MDGA2: variants seen among roughly 807,000 people sequenced by gnomAD.
MDGA2 encodes the protein MAM domain-containing glycosylphosphatidylinositol anchor protein 2.
Under a neutral mutation model 117.8 loss-of-function variants are expected in MDGA2, and 40 were observed. The observed-to-expected ratio is 0.34, with a 90% CI of 0.26 to 0.44. The LOEUF (loss-of-function observed/expected upper bound fraction) is 0.44, where lower values mean the gene tolerates loss of function less well. Ranked by LOEUF, MDGA2 falls within the 20% of genes least tolerant of loss-of-function variation. The pLI is 1.00. For synonymous variants in MDGA2, 452 were observed against 439.0 expected (o/e 1.03, Z -0.37); for missense variants, 1,123 against 1,250.6 (o/e 0.90, Z 1.54).
At chr14:47,260,814 A>T (rs185212542) in intron 2 of MDGA2, among the ~76,000 whole-genome samples, 1 of 152,170 alleles carries the variant, frequency 6.6e-6, no homozygotes, top group East Asian at 1.9e-4. Context: ...ATACCTTTGT[A>T]ATATGTATCC....
chr14:47,648,652 C>T (rs980701400), intron 1 of MDGA2, among the ~76,000 whole-genome samples: 1 of 152,022 alleles, frequency 6.6e-6, no homozygotes, highest in Non-Finnish European at 1.5e-5. Flanking sequence ...CTATGGCAGA[C>T]AGGGGACCAG....
intron 8 of MDGA2, among the ~76,000 whole-genome samples, chr14:46,999,760 G>T (rs1315063212): frequency 6.6e-6 from 1 of 151,980 alleles, no homozygotes; most frequent in Non-Finnish European, 1.5e-5. Context: ...ATCTTTGTGG[G>T]TATCAAACTT....
chr14:47,575,629 C>T lies in MDGA2; in HGVS notation c.280+98888G>A, dbSNP rs146676796. On this transcript the variant is annotated intron_variant, in intron 1 of 16. Transcript: ENST00000399232. ...GAAAATAAAACTTTGGATGTTTTGC[C>T]ATCTACTATCCATGAAGGACAAGAA... Among the ~76,000 whole-genome samples, 1,172 of 152,244 alleles carry T rather than the reference C, an allele frequency of 7.7e-3. 19 individuals are homozygous for T. Among genetic ancestry groups the T allele is most frequent in the African/African-American group, 0.027 (1,112 of 41,562 alleles).
intron 1 of MDGA2, among the ~76,000 whole-genome samples, chr14:47,603,133 T>C (rs1896678422): frequency 6.6e-6 from 1 of 152,104 alleles, no homozygotes; most frequent in Non-Finnish European, 1.5e-5. Context: ...GGACCACAAC[T>C]CTCTAAGTAA....
intron 8 of MDGA2, among the ~76,000 whole-genome samples, chr14:47,014,368 T>C (rs1199851765): frequency 6.6e-6 from 1 of 152,202 alleles, no homozygotes; most frequent in Non-Finnish European, 1.5e-5. Context: ...TAACAAGCGA[T>C]TCAGCCTATC....
intron 1 of MDGA2, among the ~76,000 whole-genome samples, chr14:47,542,393 T>C (rs1895370836): frequency 6.6e-6 from 1 of 152,250 alleles, no homozygotes; most frequent in Non-Finnish European, 1.5e-5. Context: ...AACTCATCTT[T>C]ATTTCTGAAA....
intron 3 of MDGA2, among the ~76,000 whole-genome samples, chr14:47,155,520 G>GC (rs1883331112): frequency 6.6e-6 from 1 of 152,116 alleles, no homozygotes; most frequent in African/African-American, 2.4e-5. Flanking sequence ...TGCAGTGAAA[G>GC]CCGCTTGCAG....
chr14:46,954,755 T>A (rs1355315756), intron 9 of MDGA2, among the ~76,000 whole-genome samples: 3 of 152,068 alleles, frequency 2.0e-5, no homozygotes, highest in Non-Finnish European at 4.4e-5. Flanking sequence ...TATCCACAGG[T>A]TCCAGGGATT....
At chr14:46,909,624 A>G (rs1883625129) in intron 10 of MDGA2, among the ~76,000 whole-genome samples, 1 of 152,228 alleles carries the variant, frequency 6.6e-6, no homozygotes, top group South Asian at 2.1e-4. Context: ...AGGCAAGGAT[A>G]ATCAAAAAAT....
intron 15 of MDGA2, among the ~76,000 whole-genome samples, chr14:46,847,166 G>T (rs138165652): frequency 1.1e-4 from 16 of 151,928 alleles, no homozygotes; most frequent in African/African-American, 3.9e-4. Flanking sequence ...GGCATCAGTT[G>T]TCAACTTTTG....
At chr14:47,004,036 C>T (rs1887625957) in intron 8 of MDGA2, among the ~76,000 whole-genome samples, 1 of 151,840 alleles carries the variant, frequency 6.6e-6, no homozygotes, top group Non-Finnish European at 1.5e-5. Flanking sequence ...TGTGAGAAAA[C>T]ATTTGCAAAG....
rs201837403 is a variant in MDGA2 at position 46,967,762 on chromosome 14, T to TC, written c.1820-10120dup. On this transcript the variant is annotated intron_variant, in intron 8 of 16. Coordinates refer to ENST00000399232, the MANE Select transcript of MDGA2 (RefSeq NM_001113498.3). The stretch of plus-strand genomic sequence containing the variant: ...CTGAACACTATATTTACTGTTTTTT[T>TC]CTTATACATGCATACATACCTATGA... 6.0e-3 allele frequency among the ~76,000 whole-genome samples: 917 copies of TC among 152,326 alleles called. 2 individuals carry two copies. Among genetic ancestry groups the TC allele is most frequent in the East Asian group, 0.019 (96 of 5,188 alleles).
At chr14:47,062,182 T>A (rs549901767) in intron 6 of MDGA2, among the ~76,000 whole-genome samples, 3 of 152,144 alleles carry the variant, frequency 2.0e-5, no homozygotes, top group Non-Finnish European at 1.5e-5. Context: ...TTCAAAACAT[T>A]TACTATGAAC....
rs184691457 is a variant in MDGA2, at chr14:46,991,660, A to T, written c.1820-34017T>A. Among the ~76,000 whole-genome samples, 251 of 152,220 alleles carry T rather than the reference A, an allele frequency of 1.6e-3. 1 individual carries two copies. The highest frequency in any genetic ancestry group is 4.0e-3 in the Admixed American group (61 of 15,260). ...AGTTAATCAGTTTTTCTCCTCTCAT[A>T]CTGGAATGTTTCTAAGGGAAAAATA... On this transcript the variant is annotated intron_variant, in intron 8 of 16. Coordinates refer to ENST00000399232, the MANE Select transcript of MDGA2 (RefSeq NM_001113498.3).
intron 1 of MDGA2, among the ~76,000 whole-genome samples, chr14:47,546,717 G>A (rs191320206): frequency 8.5e-5 from 13 of 152,322 alleles, no homozygotes; most frequent in Non-Finnish European, 1.8e-4. Flanking sequence ...AAGAAGGGTT[G>A]TGGGAGCTCC....
chr14:46,854,337 T>G (rs1263686242), intron 15 of MDGA2, among the ~76,000 whole-genome samples: 2 of 151,486 alleles, frequency 1.3e-5, no homozygotes, highest in Non-Finnish European at 3.0e-5. Flanking sequence ...TAAAAATATT[T>G]GGATATGTAT....
chr14:47,007,082 C>T (rs1407000180), intron 8 of MDGA2, among the ~76,000 whole-genome samples: 1 of 151,688 alleles, frequency 6.6e-6, no homozygotes, highest in Non-Finnish European at 1.5e-5. Context: ...ACTGTGGTAA[C>T]ATCCATGGAG....
chr14:46,999,427 C>G (rs1046348037), intron 8 of MDGA2, among the ~76,000 whole-genome samples: 1 of 151,660 alleles, frequency 6.6e-6, no homozygotes, highest in African/African-American at 2.4e-5. Flanking sequence ...CATTACTAGC[C>G]CAAATAGGCA....
rs71112472 is a variant in MDGA2 at position 46,938,540 on chromosome 14, C to CAAAAAAAAAAAAAAAAAAAAAAAAA, written c.2090-18381_2090-18380insTTTTTTTTTTTTTTTTTTTTTTTTT. ...GGGCAACAAGAACGAAAATCCATCTCAAAAAAAAAAAAAAAAAAAAGAGAC... is the reference window on the plus strand; with the variant it reads ...GGGCAACAAGAACGAAAATCCATCTCAAAAAAAAAAAAAAAAAAAAAAAAAAAAAAAAAAAAAAAAAAAAAGAGAC... On this transcript the variant is annotated intron_variant, in intron 9 of 16. Coordinates refer to ENST00000399232, the MANE Select transcript of MDGA2 (RefSeq NM_001113498.3). Among the ~76,000 whole-genome samples, 135 of 26,960 alleles carry CAAAAAAAAAAAAAAAAAAAAAAAAA rather than the reference C, an allele frequency of 5.0e-3. 12 individuals are homozygous for CAAAAAAAAAAAAAAAAAAAAAAAAA. The highest frequency in any genetic ancestry group is 7.9e-3 in the Non-Finnish European group (90 of 11,372). The allele number at this position is 26,960 out of a possible 152,430, so 17.7% of individuals were successfully genotyped here.
Sources: allele counts gnomAD v4.1 joint callset (sites outside exome capture counted in the v4.1 genomes callset), GRCh38; gene constraint gnomAD v4.1.1; transcripts MANE v1.5; gene names NCBI Gene and HGNC (gene_info 2026-07-23, HGNC 2026-07-21).